PHKA2: variants seen among roughly 807,000 people sequenced by gnomAD.
PHKA2 encodes phosphorylase kinase regulatory subunit alpha 2.
In PHKA2, 31 loss-of-function variants were observed where a neutral mutation model predicts 102.0. The ratio of observed to expected loss-of-function variants is 0.30; its 90% CI spans 0.23 to 0.41. PHKA2 has a LOEUF of 0.41. Among genes scored for constraint, PHKA2 ranks in the 10% least tolerant of loss-of-function variants. The pLI, the probability that PHKA2 is intolerant of heterozygous loss-of-function variation, is 1.00. For missense variants in PHKA2, 858 were observed against 1,023.1 expected, an observed-to-expected ratio of 0.84 and a Z score of 2.20; for synonymous variants, 455 against 416.2, an observed-to-expected ratio of 1.09 and a Z score of -1.13.
At chrX:18,954,154 C>T (rs2048740761) in intron 2 of PHKA2, 100 bp downstream of exon 2, 3 of 875,982 alleles carry the variant, frequency 3.4e-6, no homozygotes, top group Middle Eastern at 2.9e-4. Flanking sequence ...GAGAGGCCTA[C>T]ACCCAAACAG....
At chrX:18,918,632 T>C in intron 19 of PHKA2, 49 bp downstream of exon 19, 1 of 1,112,535 alleles carries the variant, frequency 9.0e-7, no homozygotes, top group Non-Finnish European at 1.2e-6. Flanking sequence ...CCTGCATTAC[T>C]TTGATAAAAG....
intron 1 of PHKA2, among the ~76,000 whole-genome samples, chrX:18,969,254 A>G (rs1226565997): frequency 8.9e-6 from 1 of 111,908 alleles, no homozygotes; most frequent in Non-Finnish European, 1.9e-5. Context: ...TGTCTGCCAA[A>G]TGCCCAAGTC....
chrX:18,931,263 G>T (rs1796587341), intron 12 of PHKA2, among the ~76,000 whole-genome samples: 2 of 111,617 alleles, frequency 1.8e-5, no homozygotes, highest in Non-Finnish European at 3.8e-5. Context: ...TAAGACTGGG[G>T]CAGGGGCACC....
At chrX:18,933,013 C>G (rs2048339546) in intron 11 of PHKA2, among the ~76,000 whole-genome samples, 1 of 109,973 alleles carries the variant, frequency 9.1e-6, no homozygotes. Flanking sequence ...ACTCAGGAGG[C>G]TGAGGCAGGA....
chrX:18,930,066 T>A (rs374186576), intron 12 of PHKA2, among the ~76,000 whole-genome samples: 2 of 112,499 alleles, frequency 1.8e-5, no homozygotes, highest in African/African-American at 6.5e-5. Flanking sequence ...TACACAGCTG[T>A]CCATATTTTG....
intron 5 of PHKA2, among the ~76,000 whole-genome samples, chrX:18,946,406 T>C (rs2048579693): frequency 9.0e-6 from 1 of 110,890 alleles, no homozygotes; most frequent in African/African-American, 3.3e-5. Context: ...CCTCAAAAAC[T>C]GCTTTGATTG....
chrX:18,951,689 TGAGA>T (rs900579304), intron 3 of PHKA2, among the ~76,000 whole-genome samples: 5 of 111,884 alleles, frequency 4.5e-5, no homozygotes, highest in African/African-American at 1.6e-4. Flanking sequence ...TTGCGCTGAC[TGAGA>T]GTGAGGACTG....
intron 15 of PHKA2, among the ~76,000 whole-genome samples, chrX:18,925,215 T>C (rs2048190593): frequency 8.9e-6 from 1 of 112,372 alleles, no homozygotes; most frequent in Non-Finnish European, 1.9e-5. Flanking sequence ...GAAAAATATT[T>C]TCTATGTACT....
chrX:18,915,444 T>C (rs1271600787), intron 19 of PHKA2: 1 of 108,785 alleles, frequency 9.2e-6, no homozygotes, highest in African/African-American at 3.3e-5. Context: ...TGATCATGGC[T>C]CACTGCAGCC....
At chrX:18,942,847 TAAAAAAA>T (rs78129657) in intron 7 of PHKA2, among the ~76,000 whole-genome samples, 1 of 85,761 alleles carries the variant, frequency 1.2e-5, no homozygotes, top group Non-Finnish European at 2.3e-5. Context: ...GACCTCCTCT[TAAAAAAA>T]AAAAAAAAAA....
chrX:18,898,336 G>A (rs948424902), intron 29 of PHKA2, among the ~76,000 whole-genome samples: 2 of 112,911 alleles, frequency 1.8e-5, no homozygotes, highest in Middle Eastern at 4.2e-3. Context: ...GTGAGTGGGG[G>A]CGCATCCCCT....
chrX:18,923,042 T>G (rs1310813778), intron 17 of PHKA2, among the ~76,000 whole-genome samples: 2 of 99,775 alleles, frequency 2.0e-5, no homozygotes, highest in African/African-American at 7.7e-5. Flanking sequence ...CACAGTGAGA[T>G]TCTCCTTTTT....
chrX:18,953,846 C>T lies in PHKA2; in HGVS notation c.237+408G>A, dbSNP rs184427707. Among the ~76,000 whole-genome samples the T allele has an allele frequency of 4.0e-3, 443 of 110,551 alleles. 4 individuals are homozygous for T. Among genetic ancestry groups the T allele is most frequent in the African/African-American group, 0.014 (423 of 30,386 alleles). On this transcript the variant is annotated intron_variant, in intron 2 of 32. Coordinates refer to ENST00000379942, the MANE Select transcript of PHKA2 (RefSeq NM_000292.3). ...TACTAAAAATACAAAATTAGCTGCG[C>T]GTGGTGGCAGTCGCCTGTAATCCCA...
At chrX:18,906,883 A>G in intron 23 of PHKA2, 69 bp from the exon 24 acceptor site, 2 of 1,040,677 alleles carry the variant, frequency 1.9e-6, no homozygotes, top group Non-Finnish European at 2.7e-6. Context: ...CCCTCCATGG[A>G]ACACCCTTAT....
Position 18,893,513 on chromosome X carries a change from A to G in PHKA2, c.3680T>C (p.Leu1227Ser). Residue 1227 changes from leucine to serine, a missense_variant, in exon 33 of 33, where the codon TTG becomes TCG. Transcript: ENST00000379942. ...TTGCATCTGGCAGCCCGAATTGGGCAACAATTCCTGCAAATAAGAAGCCAC... is the reference window on the plus strand; with the variant it reads ...TTGCATCTGGCAGCCCGAATTGGGCGACAATTCCTGCAAATAAGAAGCCAC... ...RAVASYLQEL[L>S]PNSGCQMQ is the part of the protein sequence containing the mutation. The G allele has an allele frequency of 2.5e-6, 3 of 1,211,724 alleles. No homozygotes were observed. Among genetic ancestry groups the G allele is most frequent in the Non-Finnish European group, 3.4e-6 (3 of 895,278 alleles).
chrX:18,917,697 T>C (rs2048043924), intron 19 of PHKA2, among the ~76,000 whole-genome samples: 1 of 111,524 alleles, frequency 9.0e-6, no homozygotes, highest in African/African-American at 3.3e-5. Flanking sequence ...AACTACTGCA[T>C]GTCCTCTATT....
rs183845789 is a variant in PHKA2 at position 18,962,968 on chromosome X, A to T, written c.79-8556T>A. Among the ~76,000 whole-genome samples the T allele has an allele frequency of 5.8e-3, 657 of 112,506 alleles. 4 individuals carry two copies. Among genetic ancestry groups the T allele is most frequent in the African/African-American group, 0.02 (624 of 30,984 alleles). ...GGGAAGGAGGAAGAACATAGGTGTT[A>T]AGGGGAGGCTTCAAAGAGCTGAAAG... is the stretch of plus-strand genomic sequence containing the variant. On this transcript the variant is annotated intron_variant, in intron 1 of 32. Coordinates refer to ENST00000379942, the MANE Select transcript of PHKA2 (RefSeq NM_000292.3).
chrX:18,955,266 A>C (rs748670866), intron 1 of PHKA2, among the ~76,000 whole-genome samples: 1 of 112,170 alleles, frequency 8.9e-6, no homozygotes, highest in South Asian at 3.7e-4. Flanking sequence ...GTGTGATTCC[A>C]TTTGTATGAA....
At chrX:18,983,338 C>T (rs1463077653) in intron 1 of PHKA2, among the ~76,000 whole-genome samples, 2 of 112,397 alleles carry the variant, frequency 1.8e-5, no homozygotes, top group African/African-American at 6.5e-5. Context: ...ATGCAGTGAC[C>T]TTTCTAGCCT....
Sources: gnomAD v4.1 joint callset for allele counts (sites outside exome capture counted in the v4.1 genomes callset) on GRCh38, gnomAD v4.1.1 for gene constraint, MANE v1.5 for transcripts, NCBI Gene and HGNC (gene_info 2026-07-23, HGNC 2026-07-21) for gene names.